The following BTAF1 variants were observed in gnomAD, a reference collection of about 807,000 sequenced individuals.
BTAF1 encodes TATA-binding protein-associated factor 172.
BTAF1 carries 38 observed loss-of-function variants against 227.1 expected under a neutral mutation model. The observed-to-expected ratio is 0.17, with a 90% CI of 0.13 to 0.22. BTAF1 has a LOEUF of 0.22. Among genes scored for constraint, BTAF1 ranks in the 10% least tolerant of loss-of-function variants. BTAF1 has a pLI of 1.00. For synonymous variants in BTAF1, 742 were observed against 751.9 expected (o/e 0.99, Z 0.21); for missense variants, 1,598 against 2,204.0 (o/e 0.73, Z 5.51).
chr10:91,968,761 G>A (rs1332068299), intron 14 of BTAF1, among the ~76,000 whole-genome samples: 1 of 152,134 alleles, frequency 6.6e-6, no homozygotes, highest in East Asian at 1.9e-4. Flanking sequence ...TTTCATTGTT[G>A]TTTTAATTTG....
chr10:91,971,570 T>G (rs1305714023), intron 14 of BTAF1, among the ~76,000 whole-genome samples: 3 of 151,480 alleles, frequency 2.0e-5, no homozygotes, highest in Admixed American at 6.6e-5. Flanking sequence ...CCTCCCGGGT[T>G]CAAACGATTT....
chr10:91,985,403 G>A (rs1848337193), intron 19 of BTAF1, among the ~76,000 whole-genome samples: 1 of 151,782 alleles, frequency 6.6e-6, no homozygotes, highest in Non-Finnish European at 1.5e-5. Context: ...TGGACACTTT[G>A]GCTGTTACCA....
At chr10:91,946,788 A>G (rs774452738) in intron 4 of BTAF1, among the ~76,000 whole-genome samples, 7 of 151,660 alleles carry the variant, frequency 4.6e-5, no homozygotes, top group Non-Finnish European at 7.4e-5. Context: ...TATGTTCTCA[A>G]TACAAGCTTC....
At chr10:91,940,636 C>T (rs894708928) in intron 3 of BTAF1, among the ~76,000 whole-genome samples, 2 of 152,010 alleles carry the variant, frequency 1.3e-5, no homozygotes, top group Non-Finnish European at 2.9e-5. Context: ...GATTCGTTTT[C>T]AACTGACTTT....
At chr10:91,924,130 A>G (rs1330547008) in intron 1 of BTAF1, 40 bp downstream of exon 1, 1 of 1,601,604 alleles carries the variant, frequency 6.2e-7, no homozygotes, top group Non-Finnish European at 8.5e-7. Context: ...AAGGCGATTC[A>G]GGGAAGGCAT....
chr10:91,957,535 G>C (rs911715801), intron 8 of BTAF1, among the ~76,000 whole-genome samples: 8 of 152,094 alleles, frequency 5.3e-5, no homozygotes, highest in African/African-American at 1.9e-4. Flanking sequence ...TAATCCAAAG[G>C]CTTGCATATC....
At chr10:91,944,644 A>G (rs1357778496) in intron 4 of BTAF1, among the ~76,000 whole-genome samples, 2 of 152,256 alleles carry the variant, frequency 1.3e-5, no homozygotes, top group Non-Finnish European at 2.9e-5. Flanking sequence ...ATGTGTAACT[A>G]TCACCACAAT....
At chr10:91,979,869 G>A (rs888202373) in intron 14 of BTAF1, among the ~76,000 whole-genome samples, 1 of 152,086 alleles carries the variant, frequency 6.6e-6, no homozygotes, top group African/African-American at 2.4e-5. Context: ...GCAAAATATT[G>A]TTAGTAATTA....
At chr10:91,924,985 G>T (rs1444482322) in intron 1 of BTAF1, among the ~76,000 whole-genome samples, 2 of 152,172 alleles carry the variant, frequency 1.3e-5, no homozygotes, top group Non-Finnish European at 2.9e-5. Context: ...AGGAATAAAT[G>T]ATGAAAACAA....
chr10:91,986,354 TAGTA>T (rs1181583246), intron 19 of BTAF1, among the ~76,000 whole-genome samples: 1 of 152,210 alleles, frequency 6.6e-6, no homozygotes, highest in South Asian at 2.1e-4. Flanking sequence ...GCTTTGTACT[TAGTA>T]AGTGCATGAG....
intron 36 of BTAF1, 39 bp downstream of exon 36, chr10:92,026,790 A>G (rs778969997): frequency 3.2e-6 from 5 of 1,583,980 alleles, no homozygotes; most frequent in Non-Finnish European, 4.3e-6. Context: ...TAACCTGTGC[A>G]TGAAAATATA....
At chr10:91,947,004 A>G (rs915884470) in intron 4 of BTAF1, among the ~76,000 whole-genome samples, 2 of 151,818 alleles carry the variant, frequency 1.3e-5, no homozygotes, top group African/African-American at 4.8e-5. Flanking sequence ...CCCCACACCC[A>G]GCTAATTTTT....
At chr10:92,015,858 TTGACA>T (rs1202952221) in intron 32 of BTAF1, among the ~76,000 whole-genome samples, 1 of 152,216 alleles carries the variant, frequency 6.6e-6, no homozygotes, top group Non-Finnish European at 1.5e-5. Context: ...ACTTTAAAAC[TTGACA>T]TATGTTCCCC....
At chr10:91,996,599 A>G in intron 24 of BTAF1, 29 bp downstream of exon 24, 1 of 1,599,218 alleles carries the variant, frequency 6.3e-7, no homozygotes. Context: ...CAAACTGTTC[A>G]GGAATTATAT....
At chr10:91,977,188 C>G (rs1847758625) in intron 14 of BTAF1, among the ~76,000 whole-genome samples, 1 of 152,152 alleles carries the variant, frequency 6.6e-6, no homozygotes, top group African/African-American at 2.4e-5. Flanking sequence ...GAAGTTTAAC[C>G]TTCATTTTCA....
chr10:91,974,919 A>G (rs1232026318), intron 14 of BTAF1, among the ~76,000 whole-genome samples: 3 of 152,078 alleles, frequency 2.0e-5, no homozygotes, highest in Non-Finnish European at 4.4e-5. Flanking sequence ...TTTTTTTGCT[A>G]AACTAGCAGC....
chr10:91,946,241 C>A (rs2133835488), intron 4 of BTAF1, among the ~76,000 whole-genome samples: 1 of 152,274 alleles, frequency 6.6e-6, no homozygotes, highest in South Asian at 2.1e-4. Context: ...TGCCTGTAAT[C>A]CCAGCTACTT....
intron 32 of BTAF1, among the ~76,000 whole-genome samples, chr10:92,014,854 A>G (rs759981225): frequency 7.2e-5 from 11 of 152,230 alleles, no homozygotes; most frequent in Admixed American, 1.3e-4. Flanking sequence ...GGTATAGCCA[A>G]TTGTTCCAAG....
rs1402704834 is a variant in BTAF1 at position 92,009,167 on chromosome 10, C to T, written c.4062C>T (p.Leu1354=). 2 of 1,614,102 alleles carry T rather than the reference C, an allele frequency of 1.2e-6. No homozygotes were observed. The highest frequency in any genetic ancestry group is 1.7e-6 in the Non-Finnish European group (2 of 1,179,994). Residue 1354 remains leucine (L), a synonymous_variant, in exon 28 of 38, where the codon CTC becomes CTT. Coordinates refer to ENST00000265990, the MANE Select transcript of BTAF1 (RefSeq NM_003972.3). ...EVGKFCSREY[L]NPLHYTGPPT... ...GTAAATTTTGCTCTAGAGAATATCTCAACCCGTTGCATTACACTGGACCTC... is the reference window on the plus strand; with the variant it reads ...GTAAATTTTGCTCTAGAGAATATCTTAACCCGTTGCATTACACTGGACCTC...
Sources: allele counts gnomAD v4.1 joint callset (sites outside exome capture counted in the v4.1 genomes callset), GRCh38; gene constraint gnomAD v4.1.1; transcripts MANE v1.5; gene names NCBI Gene and HGNC (gene_info 2026-07-23, HGNC 2026-07-21).